The following FKBP5 variants were observed in gnomAD, a reference collection of about 807,000 sequenced individuals.
FKBP5 encodes the protein FKBP prolyl isomerase 5.
A neutral mutation model predicts 50.5 loss-of-function variants in FKBP5; 23 were observed. That is an observed-to-expected ratio of 0.46 (90% confidence interval 0.33 to 0.65). The LOEUF is 0.65. Ranked by LOEUF, FKBP5 falls within the 30% of genes least tolerant of loss-of-function variation. The probability of loss-of-function intolerance (pLI) is 0.02; values close to 1 mark genes in which losing one functional copy is unlikely to be tolerated. For synonymous variants in FKBP5, 176 were observed against 190.6 expected, an observed-to-expected ratio of 0.92 and a Z score of 0.63; for missense variants, 411 against 553.1, an observed-to-expected ratio of 0.74 and a Z score of 2.58.
At chr6:35,693,163 CTTTTTTTT>C (rs71002590), upstream of FKBP5, among the ~76,000 whole-genome samples, 1 of 109,806 alleles carries the variant, frequency 9.1e-6, no homozygotes, top group Non-Finnish European at 1.7e-5. Context: ...TTCTCTCTCT[CTTTTTTTT>C]TTTTTTTTTG....
chr6:35,678,514 T>C (rs768032623), intron 1 of FKBP5, among the ~76,000 whole-genome samples: 31 of 152,238 alleles, frequency 2.0e-4, no homozygotes, highest in Non-Finnish European at 8.8e-5. Context: ...CAGTACCTTA[T>C]TCTACAGATA....
rs556376140 is a variant in FKBP5, at chr6:35,673,278, C to T, written c.-20+15526G>A. Among the ~76,000 whole-genome samples, 44 of 152,064 alleles carry T rather than the reference C, an allele frequency of 2.9e-4. No homozygotes were observed. The East Asian group carries it at 8.1e-3, about 28-fold the overall frequency. ...AAAATCTAAGAGATTGGCTGGGTGC[C>T]GTGGCTCCTGCCTGTAATCCCAGCA... On this transcript the variant is annotated intron_variant, in intron 1 of 10. Coordinates refer to ENST00000357266, the MANE Select transcript of FKBP5 (RefSeq NM_004117.4).
chr6:35,619,770 T>G (rs1763773186), intron 4 of FKBP5, among the ~76,000 whole-genome samples: 1 of 152,196 alleles, frequency 6.6e-6, no homozygotes, highest in Non-Finnish European at 1.5e-5. Flanking sequence ...TTATAATATG[T>G]AAATACCCCG....
chr6:35,625,767 A>AATTT (rs532035754), intron 3 of FKBP5, among the ~76,000 whole-genome samples: 3,132 of 147,052 alleles, frequency 0.021, 53 homozygotes, highest in Non-Finnish European at 0.027. Flanking sequence ...ACATAATGTC[A>AATTT]ATTTATTTAT....
chr6:35,621,470 T>C (rs1387093956), intron 3 of FKBP5, among the ~76,000 whole-genome samples: 5 of 150,414 alleles, frequency 3.3e-5, no homozygotes, highest in Non-Finnish European at 5.9e-5. Context: ...ATACAAAAAT[T>C]AGCCAGGCAT....
intron 1 of FKBP5, among the ~76,000 whole-genome samples, chr6:35,647,177 G>A (rs1167259854): frequency 2.6e-5 from 4 of 152,086 alleles, no homozygotes; most frequent in African/African-American, 7.2e-5. Context: ...TGCTGAGTTG[G>A]ATAAATTACT....
intron 3 of FKBP5, among the ~76,000 whole-genome samples, chr6:35,631,954 CAAA>C (rs763457961): frequency 4.7e-5 from 3 of 63,772 alleles, no homozygotes; most frequent in Non-Finnish European, 6.4e-5. Context: ...GACTCTGTCT[CAAA>C]AAAAAAAAAA....
intron 7 of FKBP5, among the ~76,000 whole-genome samples, chr6:35,587,852 G>A (rs1762652408): frequency 6.6e-6 from 1 of 152,122 alleles, no homozygotes; most frequent in Non-Finnish European, 1.5e-5. Context: ...CCAGAGTCAA[G>A]AGAACAATCT....
rs553746896 is a variant in FKBP5 at position 35,682,502 on chromosome 6, A to G, written c.-20+6302T>C. Among the ~76,000 whole-genome samples, 5 of 152,318 alleles carry G rather than the reference A, an allele frequency of 3.3e-5. No homozygotes were observed. The South Asian group carries it at 1.0e-3, about 32-fold the overall frequency. Reference sequence around the variant, plus strand: ...ACAAATCTAACTTTTGAAAAGATCAATCTGAAATTTGCAACCCTGCTTTTG... The same window carrying G: ...ACAAATCTAACTTTTGAAAAGATCAGTCTGAAATTTGCAACCCTGCTTTTG... On this transcript the variant is annotated intron_variant, in intron 1 of 10. Transcript: ENST00000357266.
chr6:35,704,237 A>T (rs1335823758), intron 2 of FKBP5, among the ~76,000 whole-genome samples: 1 of 152,186 alleles, frequency 6.6e-6, no homozygotes, highest in African/African-American at 2.4e-5. Flanking sequence ...AGGTATCTAG[A>T]AAGGAGCTCC....
intron 1 of FKBP5, among the ~76,000 whole-genome samples, chr6:35,660,264 A>AT (rs773891773): frequency 0.23 from 10,671 of 46,740 alleles, 3,880 homozygotes; most frequent in African/African-American, 0.34. Context: ...CATTGATGCT[A>AT]TTTTTTTTTT....
chr6:35,715,123 C>T (rs1766490091), intron 2 of FKBP5, among the ~76,000 whole-genome samples: 1 of 152,162 alleles, frequency 6.6e-6, no homozygotes. Context: ...TGCTCTTGAA[C>T]TCCTGGCCTC....
intron 1 of FKBP5, among the ~76,000 whole-genome samples, chr6:35,721,627 T>C (rs1766612885): frequency 1.3e-5 from 2 of 152,182 alleles, no homozygotes; most frequent in Admixed American, 6.5e-5. Flanking sequence ...GGCTAATTTG[T>C]ATTTTTAGTA....
intron 1 of FKBP5, among the ~76,000 whole-genome samples, chr6:35,657,186 G>A (rs756166048): frequency 5.7e-4 from 86 of 152,200 alleles, no homozygotes; most frequent in Admixed American, 2.0e-4. Context: ...CTGCACTCCA[G>A]CCTGGGTGAC....
Position 35,575,736 on chromosome 6 carries a change from T to A in FKBP5, c.*99A>T. The A allele has an allele frequency of 1.2e-6, 1 of 868,814 alleles. No homozygotes were observed. The allele number at this position is 868,814 out of a possible 1,614,324, so 53.8% of individuals were successfully genotyped here. ...TTTGCTTCCAGAATCACATAGACTA[T>A]AACAAACTTTACATTAAACACTGTT... On this transcript the variant is annotated 3_prime_UTR_variant, in exon 11 of 11. Transcript: ENST00000357266.
chr6:35,725,255 G>A (rs1766683421), intron 1 of FKBP5, among the ~76,000 whole-genome samples: 1 of 152,088 alleles, frequency 6.6e-6, no homozygotes, highest in South Asian at 2.1e-4. Context: ...CTGCCGCGAG[G>A]CCCCCACCTC....
At position 35,602,778 on chromosome 6, in the gene FKBP5, C is replaced by T. The variant is rs987427306; in HGVS notation, c.509-5374G>A. Among the ~76,000 whole-genome samples, 6 of 152,100 alleles carry T rather than the reference C, an allele frequency of 3.9e-5. No individual in the cohort carries two copies. The East Asian group carries it at 9.6e-4, about 24-fold the overall frequency. ...ACTGTAAGATTGCTTACAGAACTGACGGACAGATGCTAACAGGCGTGGAAC... is the reference window on the plus strand; with the variant it reads ...ACTGTAAGATTGCTTACAGAACTGATGGACAGATGCTAACAGGCGTGGAAC... On this transcript the variant is annotated intron_variant, in intron 5 of 10. Transcript: ENST00000357266.
chr6:35,728,331 C>A (rs554512271), intron 1 of FKBP5, among the ~76,000 whole-genome samples: 1 of 152,174 alleles, frequency 6.6e-6, no homozygotes, highest in African/African-American at 2.4e-5. Flanking sequence ...GAGACCTCCA[C>A]GTGGCCGGTT....
chr6:35,697,827 C>T (rs561179310), intron 2 of FKBP5, among the ~76,000 whole-genome samples: 7 of 152,128 alleles, frequency 4.6e-5, no homozygotes, highest in African/African-American at 1.2e-4. Context: ...CACACATATG[C>T]GAATATACTA....
Sources: gnomAD v4.1 joint callset for allele counts (sites outside exome capture counted in the v4.1 genomes callset) on GRCh38, gnomAD v4.1.1 for gene constraint, MANE v1.5 for transcripts, NCBI Gene and HGNC (gene_info 2026-07-23, HGNC 2026-07-21) for gene names.